The following KANSL1L variants were observed in gnomAD, a reference collection of about 807,000 sequenced individuals.
The protein encoded by KANSL1L is KAT8 regulatory NSL complex subunit 1 like.
In KANSL1L, 25 loss-of-function variants were observed where a neutral mutation model predicts 108.6. That is an observed-to-expected ratio of 0.23 (90% CI 0.17 to 0.32). KANSL1L has a LOEUF of 0.32. KANSL1L is among the 10% of genes least tolerant of loss of function. The pLI is 1.00. For missense variants in KANSL1L, 1,137 were observed against 1,125.7 expected (o/e 1.01, Z -0.14); for synonymous variants, 405 against 395.1 (o/e 1.03, Z -0.30).
At chr2:210,069,781 CT>C (rs1190100235) in intron 6 of KANSL1L, among the ~76,000 whole-genome samples, 2 of 114,186 alleles carry the variant, frequency 1.8e-5, no homozygotes, top group East Asian at 2.5e-4. Context: ...TTTATTGCCC[CT>C]GACATTCTTT....
At chr2:210,100,246 G>T (rs1285376236) in intron 4 of KANSL1L, among the ~76,000 whole-genome samples, 1 of 152,088 alleles carries the variant, frequency 6.6e-6, no homozygotes, top group Non-Finnish European at 1.5e-5. Flanking sequence ...ATGATCTGAG[G>T]TGGAACAGTT....
intron 6 of KANSL1L, among the ~76,000 whole-genome samples, chr2:210,069,615 T>C (rs75570043): frequency 6.6e-5 from 10 of 152,182 alleles, no homozygotes; most frequent in Admixed American, 4.6e-4. Flanking sequence ...AAGTATGAAA[T>C]TGATGTGTTG....
At chr2:210,099,483 T>G (rs1575527315) in intron 4 of KANSL1L, among the ~76,000 whole-genome samples, 1 of 152,330 alleles carries the variant, frequency 6.6e-6, no homozygotes, top group East Asian at 1.9e-4. Context: ...TCACCATTTA[T>G]TTTGAAGATA....
chr2:210,027,185 A>G (rs2093949768), intron 12 of KANSL1L, 111 bp downstream of exon 12: 1 of 652,786 alleles, frequency 1.5e-6, no homozygotes, highest in South Asian at 2.2e-5. Context: ...AAAGAAAAAA[A>G]TCAGTGTAAG....
chr2:210,028,695 C>T lies in KANSL1L; in HGVS notation c.2396+150G>A, dbSNP rs906775239. 16 of 603,974 alleles carry T rather than the reference C, an allele frequency of 2.6e-5. No homozygotes were observed. In the African/African-American group the frequency reaches 3.0e-4, roughly 11 times the overall value. 37.4% of individuals were successfully genotyped at this position (603,974 alleles called of 1,614,324 possible). On this transcript the variant is annotated intron_variant, in intron 11 of 14. Coordinates refer to ENST00000281772, the MANE Select transcript of KANSL1L (RefSeq NM_152519.4). ...GTGATACTATATAACACTTAAGGCACGAGTAATTTTTTTTTCACCGTTTCC... is the reference window on the plus strand; with the variant it reads ...GTGATACTATATAACACTTAAGGCATGAGTAATTTTTTTTTCACCGTTTCC...
At chr2:210,026,927 C>T (rs2093946215) in intron 12 of KANSL1L, among the ~76,000 whole-genome samples, 4 of 151,964 alleles carry the variant, frequency 2.6e-5, no homozygotes, top group African/African-American at 4.8e-5. Flanking sequence ...CCCACCACCA[C>T]GCCCGACTAA....
intron 6 of KANSL1L, among the ~76,000 whole-genome samples, chr2:210,074,493 A>AAATTTTTGTATTTTTCACGCTGGGCT (rs1559535105): frequency 3.0e-4 from 45 of 152,168 alleles, no homozygotes; most frequent in African/African-American, 1.0e-3. Context: ...CACGCTGGGC[A>AAATTTTTGTATTTTTCACGCTGGGCT]AATTTTTGTA....
At chr2:210,140,978 CG>C (rs1559595734) in intron 2 of KANSL1L, among the ~76,000 whole-genome samples, 1 of 151,958 alleles carries the variant, frequency 6.6e-6, no homozygotes, top group African/African-American at 2.4e-5. Flanking sequence ...TATCCTGAAA[CG>C]CTAATTAATT....
intron 5 of KANSL1L, among the ~76,000 whole-genome samples, chr2:210,081,172 A>G (rs1449213056): frequency 1.3e-5 from 2 of 152,088 alleles, no homozygotes; most frequent in Non-Finnish European, 2.9e-5. Flanking sequence ...GCACTTCCCA[A>G]TGTTTCCCAG....
intron 8 of KANSL1L, among the ~76,000 whole-genome samples, chr2:210,038,944 A>T (rs887319369): frequency 6.6e-6 from 1 of 151,950 alleles, no homozygotes; most frequent in African/African-American, 2.4e-5. Context: ...ATGATGCTTC[A>T]TAAGAATTTG....
intron 2 of KANSL1L, among the ~76,000 whole-genome samples, chr2:210,143,587 T>C (rs1322732844): frequency 6.6e-6 from 1 of 152,154 alleles, no homozygotes; most frequent in Admixed American, 6.5e-5. Context: ...TTTCTGTAAT[T>C]ATATGCCTGG....
intron 6 of KANSL1L, among the ~76,000 whole-genome samples, chr2:210,066,461 A>G (rs746622627): frequency 3.9e-5 from 6 of 152,272 alleles, no homozygotes; most frequent in Non-Finnish European, 8.8e-5. Context: ...CATGGGGCAC[A>G]TGCCCACTTC....
At chr2:210,167,775 G>C (rs1340535485) in intron 1 of KANSL1L, among the ~76,000 whole-genome samples, 1 of 151,872 alleles carries the variant, frequency 6.6e-6, no homozygotes. Context: ...ATACAGAAAT[G>C]TTTCTAAGAA....
intron 12 of KANSL1L, among the ~76,000 whole-genome samples, chr2:210,026,159 A>T (rs2093934007): frequency 1.3e-5 from 2 of 152,290 alleles, no homozygotes; most frequent in South Asian, 2.1e-4. Context: ...AGAAGTAAGG[A>T]AGAATACATT....
At chr2:210,126,246 AATAG>A (rs1393203800) in intron 3 of KANSL1L, among the ~76,000 whole-genome samples, 5 of 152,200 alleles carry the variant, frequency 3.3e-5, no homozygotes, top group African/African-American at 4.8e-5. Flanking sequence ...TTCAGAATAT[AATAG>A]ATAGATAACC....
intron 3 of KANSL1L, among the ~76,000 whole-genome samples, chr2:210,123,538 G>A (rs1042632516): frequency 6.6e-6 from 1 of 151,770 alleles, no homozygotes; most frequent in East Asian, 1.9e-4. Context: ...TGGGAAGGGT[G>A]GGGGAGAATG....
chr2:210,128,636 G>C (rs1317794189), intron 3 of KANSL1L, among the ~76,000 whole-genome samples: 1 of 152,106 alleles, frequency 6.6e-6, no homozygotes, highest in Non-Finnish European at 1.5e-5. Context: ...TAGAGCTTCA[G>C]TTATAAAAGG....
intron 6 of KANSL1L, among the ~76,000 whole-genome samples, chr2:210,062,721 G>A (rs571625134): frequency 3.3e-5 from 5 of 152,180 alleles, no homozygotes; most frequent in Non-Finnish European, 7.3e-5. Context: ...TTGAACTTGA[G>A]AGAGATGATT....
chr2:210,037,561 T>A (rs2094120479), intron 8 of KANSL1L, among the ~76,000 whole-genome samples: 2 of 152,182 alleles, frequency 1.3e-5, no homozygotes, highest in Non-Finnish European at 2.9e-5. Flanking sequence ...TTCTCTTTAA[T>A]TTTTACTGTG....
Sources: gnomAD v4.1 joint callset for allele counts (sites outside exome capture counted in the v4.1 genomes callset) on GRCh38, gnomAD v4.1.1 for gene constraint, MANE v1.5 for transcripts, NCBI Gene and HGNC (gene_info 2026-07-23, HGNC 2026-07-21) for gene names.